LIPJ: variants seen among roughly 807,000 people sequenced by gnomAD.
LIPJ encodes lipase family member J.
In LIPJ, 33 loss-of-function variants were observed where a neutral mutation model predicts 39.8. The ratio of observed to expected loss-of-function variants is 0.83; its 90% confidence interval spans 0.63 to 1.11. The LOEUF is 1.11. LIPJ is among the 50% of genes least tolerant of loss of function. The probability of loss-of-function intolerance (pLI) is 0.00; values close to 1 mark genes in which losing one functional copy is unlikely to be tolerated. For missense variants in LIPJ, 422 were observed against 427.9 expected (o/e 0.99, Z 0.12); for synonymous variants, 128 against 139.2 (o/e 0.92, Z 0.57).
At chr10:88,617,359 ACT>A in the LIPJ span, among the ~76,000 whole-genome samples, 1,928 of 152,318 alleles carry the variant, frequency 0.013, 22 homozygotes, top group Admixed American at 0.018. Context: ...CAGAGGAACC[ACT>A]CAGTAAATCT....
At chr10:88,619,777 T>C in the LIPJ span, among the ~76,000 whole-genome samples, 4 of 152,078 alleles carry the variant, frequency 2.6e-5, no homozygotes, top group Admixed American at 2.6e-4. Context: ...AAAATCTAAA[T>C]GTAAACCCCA....
chr10:88,589,826 G>A (rs1349878961), intron 2 of LIPJ, among the ~76,000 whole-genome samples: 1 of 151,708 alleles, frequency 6.6e-6, no homozygotes, highest in Non-Finnish European at 1.5e-5. Context: ...CTGAGAAGTA[G>A]GTATTAGTTG....
the LIPJ span, among the ~76,000 whole-genome samples, chr10:88,614,459 C>T: frequency 6.6e-6 from 1 of 151,996 alleles, no homozygotes; most frequent in Non-Finnish European, 1.5e-5. Context: ...AAATTAAAAA[C>T]ATTTACAGTA....
intron 2 of LIPJ, among the ~76,000 whole-genome samples, chr10:88,589,068 C>T (rs1851001644): frequency 6.6e-6 from 1 of 151,786 alleles, no homozygotes; most frequent in Non-Finnish European, 1.5e-5. Flanking sequence ...TGCCTATTTT[C>T]CCAAGAAAAT....
intron 2 of LIPJ, among the ~76,000 whole-genome samples, chr10:88,588,824 T>C (rs890361443): frequency 2.0e-5 from 3 of 151,924 alleles, no homozygotes; most frequent in Admixed American, 2.0e-4. Context: ...CATTCTAGAC[T>C]TTAGTGAACT....
chr10:88,591,505 T>C lies in LIPJ; in HGVS notation c.130+7T>C, dbSNP rs1382938583. 2 of 1,593,998 alleles carry C rather than the reference T, an allele frequency of 1.3e-6. No individual in the cohort carries two copies. The highest frequency in any genetic ancestry group is 1.7e-4 in the Middle Eastern group (1 of 5,934). On this transcript the variant is annotated splice_region_variant and intron_variant, in intron 4 of 10. Transcript: ENST00000371939. ...GACAATAATAAAAATCTAGGTAATA[T>C]TCAATTGAAGATGGATTGGTGACAA...
downstream of LIPJ, among the ~76,000 whole-genome samples, chr10:88,608,552 T>C (rs994926110): frequency 6.6e-6 from 1 of 152,214 alleles, no homozygotes; most frequent in Non-Finnish European, 1.5e-5. Context: ...ACCAAGATGC[T>C]AAGAAGAAAG....
At chr10:88,591,346 T>A (rs1459905452) in intron 3 of LIPJ, 32 bp from the exon 4 acceptor site, 1 of 1,553,810 alleles carries the variant, frequency 6.4e-7, no homozygotes, top group Non-Finnish European at 8.7e-7. Flanking sequence ...ATAACAATTT[T>A]ATGCTAAAAG....
At chr10:88,616,122 T>C in the LIPJ span, among the ~76,000 whole-genome samples, 4 of 151,950 alleles carry the variant, frequency 2.6e-5, no homozygotes, top group East Asian at 7.7e-4. Context: ...AATGGAATAC[T>C]CTTGTAGAAT....
chr10:88,613,777 T>TATATAC, the LIPJ span, among the ~76,000 whole-genome samples: 1 of 44,594 alleles, frequency 2.2e-5, no homozygotes, highest in Non-Finnish European at 3.9e-5. Context: ...TGTGTATATA[T>TATATAC]ATATATATAT....
At chr10:88,616,992 C>T in the LIPJ span, among the ~76,000 whole-genome samples, 1 of 152,126 alleles carries the variant, frequency 6.6e-6, no homozygotes, top group Non-Finnish European at 1.5e-5. Context: ...TCTTTACTAA[C>T]CCCTAATCCC....
In LIPJ at chr10:88,598,212, G is replaced by A. The variant is rs576771856; in HGVS notation, c.723+1276G>A. Among the ~76,000 whole-genome samples the A allele has an allele frequency of 2.0e-5, 3 of 152,012 alleles. No homozygotes were observed. In the East Asian group the frequency reaches 5.8e-4, roughly 29 times the overall value. ...CTAGCAAGATCTGTGGAGGAAGTAGGGTCTGGCTTAAAATTATTTGCTTAG... is the reference window on the plus strand; with the variant it reads ...CTAGCAAGATCTGTGGAGGAAGTAGAGTCTGGCTTAAAATTATTTGCTTAG... On this transcript the variant is annotated intron_variant, in intron 8 of 10. Transcript: ENST00000371939.
downstream of LIPJ, among the ~76,000 whole-genome samples, chr10:88,610,394 T>G (rs1353069100): frequency 6.6e-6 from 1 of 152,170 alleles, no homozygotes; most frequent in African/African-American, 2.4e-5. Flanking sequence ...TTCAATATTA[T>G]GAAAATATTT....
chr10:88,583,037 C>T, upstream of LIPJ: 1 of 1,600,820 alleles, frequency 6.2e-7, no homozygotes, highest in South Asian at 1.1e-5. Flanking sequence ...GCCCGGCAGT[C>T]CTCTTTTCCC....
At chr10:88,593,196 C>G (rs1851138287) in intron 4 of LIPJ, 2 of 151,698 alleles carry the variant, frequency 1.3e-5, no homozygotes, top group African/African-American at 4.8e-5. Flanking sequence ...CCAAAGTGAC[C>G]AGGCGGTGGT....
At chr10:88,601,495 G>A (rs1364341132) in intron 8 of LIPJ, among the ~76,000 whole-genome samples, 1 of 152,102 alleles carries the variant, frequency 6.6e-6, no homozygotes, top group Admixed American at 6.5e-5. Context: ...CAACTCTATA[G>A]CACCCACACA....
intron 8 of LIPJ, among the ~76,000 whole-genome samples, chr10:88,600,429 T>A (rs920080334): frequency 2.0e-5 from 3 of 152,216 alleles, no homozygotes; most frequent in Admixed American, 2.0e-4. Context: ...AGTTTATACA[T>A]TGTATTTTTA....
At chr10:88,620,248 G>A in the LIPJ span, among the ~76,000 whole-genome samples, 2 of 151,924 alleles carry the variant, frequency 1.3e-5, no homozygotes, top group African/African-American at 4.8e-5. Context: ...AATGTAATGT[G>A]GAATCCAAAA....
upstream of LIPJ, chr10:88,583,032 G>A: frequency 6.3e-7 from 1 of 1,596,102 alleles, no homozygotes; most frequent in Non-Finnish European, 8.6e-7. Context: ...AGCCTGCCCG[G>A]CAGTCCTCTT....
Sources: allele counts gnomAD v4.1 joint callset (sites outside exome capture counted in the v4.1 genomes callset), GRCh38; gene constraint gnomAD v4.1.1; transcripts MANE v1.5; gene names NCBI Gene and HGNC (gene_info 2026-07-23, HGNC 2026-07-21).